The following BCL2 variants were observed in gnomAD, a reference collection of about 807,000 sequenced individuals.
BCL2 encodes the protein apoptosis regulator Bcl-2.
A neutral mutation model predicts 14.2 loss-of-function variants in BCL2; 1 was observed. The ratio of observed to expected loss-of-function variants is 0.07; its 90% CI spans 0.02 to 0.33. The LOEUF (loss-of-function observed/expected upper bound fraction) is 0.33, where lower values mean the gene tolerates loss of function less well. Ranked by LOEUF, BCL2 falls within the 10% of genes least tolerant of loss-of-function variation. The pLI, the probability that BCL2 is intolerant of heterozygous loss-of-function variation, is 0.99. For synonymous variants in BCL2, 151 were observed against 137.2 expected (o/e 1.10, Z -0.70); for missense variants, 247 against 305.9 (o/e 0.81, Z 1.44).
intron 2 of BCL2, among the ~76,000 whole-genome samples, chr18:63,199,944 A>ACACACG (rs1268145936): frequency 6.6e-6 from 1 of 152,028 alleles, no homozygotes; most frequent in African/African-American, 2.4e-5. Context: ...ATGCACACAC[A>ACACACG]CACACGCACA....
intron 2 of BCL2, among the ~76,000 whole-genome samples, chr18:63,232,832 A>T (rs1408036304): frequency 6.6e-6 from 1 of 152,248 alleles, no homozygotes; most frequent in African/African-American, 2.4e-5. Context: ...GTCACAATAG[A>T]ACTGTTTATA....
intron 2 of BCL2, among the ~76,000 whole-genome samples, chr18:63,227,262 G>C (rs1288346969): frequency 6.6e-6 from 1 of 152,242 alleles, no homozygotes; most frequent in Non-Finnish European, 1.5e-5. Flanking sequence ...CTTTCAGTCA[G>C]AGACTGAGAT....
intron 2 of BCL2, among the ~76,000 whole-genome samples, chr18:63,155,027 A>G (rs1914738362): frequency 6.6e-6 from 1 of 152,218 alleles, no homozygotes. Flanking sequence ...TATGTTCTCA[A>G]GTCGTCACAG....
intron 2 of BCL2, among the ~76,000 whole-genome samples, chr18:63,135,845 T>C (rs1914194355): frequency 6.6e-6 from 1 of 152,166 alleles, no homozygotes; most frequent in East Asian, 1.9e-4. Flanking sequence ...GCCACACTCA[T>C]TGGCTCACTT....
chr18:63,137,237 T>G (rs1160683120), intron 2 of BCL2, among the ~76,000 whole-genome samples: 1 of 152,254 alleles, frequency 6.6e-6, no homozygotes, highest in Non-Finnish European at 1.5e-5. Context: ...CAAGCAACTT[T>G]CTCCAAATCC....
chr18:63,199,952 A>G (rs956370019), intron 2 of BCL2, among the ~76,000 whole-genome samples: 21 of 151,886 alleles, frequency 1.4e-4, no homozygotes, highest in South Asian at 8.3e-4. Flanking sequence ...ACACACACGC[A>G]CACACACACA....
At chr18:63,158,770 A>G (rs1379086861) in intron 2 of BCL2, among the ~76,000 whole-genome samples, 2 of 152,238 alleles carry the variant, frequency 1.3e-5, no homozygotes, top group African/African-American at 2.4e-5. Context: ...CTGTCTGCCC[A>G]CCATTTAGGC....
intron 2 of BCL2, among the ~76,000 whole-genome samples, chr18:63,238,815 G>A (rs1036495610): frequency 6.6e-6 from 1 of 152,198 alleles, no homozygotes; most frequent in African/African-American, 2.4e-5. Flanking sequence ...GGAGCGGAAG[G>A]GTACCAGCAA....
Position 63,124,148 on chromosome 18 carries a change from G to C in BCL2, c.*4477C>G, listed in dbSNP as rs566710209. The stretch of plus-strand genomic sequence containing the variant: ...AAGGTCATGGTTGTCCAAAGACATG[G>C]AACAGAATGATTCACTGGGTAAGAC... On this transcript the variant is annotated 3_prime_UTR_variant, in exon 3 of 3. Transcript: ENST00000333681. 58 of 222,086 alleles carry C rather than the reference G, an allele frequency of 2.6e-4. No individual in the cohort carries two copies. Among genetic ancestry groups the C allele is most frequent in the African/African-American group, 1.2e-3 (52 of 44,804 alleles). 13.8% of individuals were successfully genotyped at this position (222,086 alleles called of 1,614,324 possible).
chr18:63,171,725 C>T (rs1915225693), intron 2 of BCL2, among the ~76,000 whole-genome samples: 1 of 152,194 alleles, frequency 6.6e-6, no homozygotes, highest in East Asian at 1.9e-4. Flanking sequence ...CCTGTGATCC[C>T]AGCACTTGGG....
intron 2 of BCL2, among the ~76,000 whole-genome samples, chr18:63,197,490 T>G (rs943453666): frequency 5.3e-5 from 8 of 152,188 alleles, no homozygotes; most frequent in Non-Finnish European, 1.2e-4. Context: ...AATGCCAAAC[T>G]CTTCTTGCAT....
At position 63,127,636 on chromosome 18, in the gene BCL2, C is replaced by G. The variant is rs1195194499; in HGVS notation, c.*989G>C. ...AGGACCAGGCCTCCAAGCTGGGACA[C>G]AGGCAGGTTCTGCGGACTTCGGTCT... On this transcript the variant is annotated 3_prime_UTR_variant, in exon 3 of 3. Transcript: ENST00000333681. 3.0e-5 allele frequency: 7 copies of G among 230,778 alleles called. No homozygotes were observed. In the Admixed American group the frequency reaches 4.0e-4, roughly 13 times the overall value. The allele number at this position is 230,778 out of a possible 1,614,324, so 14.3% of individuals were successfully genotyped here.
At chr18:63,218,166 C>T (rs192116277) in intron 2 of BCL2, among the ~76,000 whole-genome samples, 1 of 152,272 alleles carries the variant, frequency 6.6e-6, no homozygotes, top group East Asian at 1.9e-4. Context: ...GCCTTTTCAT[C>T]AACCCAATTC....
intron 2 of BCL2, among the ~76,000 whole-genome samples, chr18:63,300,052 C>CA (rs1912916640): frequency 6.6e-6 from 1 of 152,158 alleles, no homozygotes; most frequent in South Asian, 2.1e-4. Flanking sequence ...ACAGTGGTTT[C>CA]AAAATGAAGT....
chr18:63,179,004 T>A (rs970583712), intron 2 of BCL2, among the ~76,000 whole-genome samples: 1 of 151,758 alleles, frequency 6.6e-6, no homozygotes, highest in Non-Finnish European at 1.5e-5. Context: ...AGCACCAACA[T>A]GCAATTTAAA....
intron 2 of BCL2, among the ~76,000 whole-genome samples, chr18:63,293,494 C>T (rs928255417): frequency 2.0e-5 from 3 of 152,188 alleles, no homozygotes; most frequent in African/African-American, 4.8e-5. Context: ...ATTAAAGGAA[C>T]GACCAGCAAG....
chr18:63,150,803 G>T (rs1686292281), intron 2 of BCL2, among the ~76,000 whole-genome samples: 1 of 152,092 alleles, frequency 6.6e-6, no homozygotes, highest in African/African-American at 2.4e-5. Context: ...AGAAATATTG[G>T]ACTATAACAT....
At chr18:63,194,707 A>T (rs1211240919) in intron 2 of BCL2, among the ~76,000 whole-genome samples, 1 of 152,236 alleles carries the variant, frequency 6.6e-6, no homozygotes, top group Non-Finnish European at 1.5e-5. Flanking sequence ...CAAAATAATT[A>T]AGTATAAAAA....
chr18:63,180,425 T>G (rs1915454984), intron 2 of BCL2, among the ~76,000 whole-genome samples: 1 of 152,236 alleles, frequency 6.6e-6, no homozygotes, highest in Non-Finnish European at 1.5e-5. Flanking sequence ...ACAAACGGCT[T>G]GCTCCGATTC....
Sources: allele counts gnomAD v4.1 joint callset (sites outside exome capture counted in the v4.1 genomes callset), GRCh38; gene constraint gnomAD v4.1.1; transcripts MANE v1.5; gene names NCBI Gene and HGNC (gene_info 2026-07-23, HGNC 2026-07-21).